Variants in RYR3 observed in about 807,000 individuals in gnomAD.
The protein encoded by RYR3 is ryanodine receptor 3.
RYR3 carries 207 observed loss-of-function variants against 584.3 expected under a neutral mutation model. The observed-to-expected ratio is 0.35, with a 90% CI of 0.32 to 0.40. The LOEUF is 0.40. RYR3 is among the 10% of genes least tolerant of loss of function. The pLI is 1.00. For missense variants in RYR3, 5,616 were observed against 6,089.2 expected (o/e 0.92, Z 2.59); for synonymous variants, 2,416 against 2,248.5 (o/e 1.07, Z -2.11).
In RYR3 at chr15:33,701,590, G is replaced by A. The variant is rs530071932; in HGVS notation, c.6483+510G>A. On this transcript the variant is annotated intron_variant, in intron 42 of 103. Transcript: ENST00000634891. ...CTTTCTTTAAATGATGTCCTTGACC[G>A]GAGGGCTGACAGGATTCACAGTGTG... Among the ~76,000 whole-genome samples the A allele has an allele frequency of 4.5e-4, 68 of 152,132 alleles. 1 individual carries two copies. Among genetic ancestry groups the A allele is most frequent in the Admixed American group, 3.6e-3 (55 of 15,288 alleles).
chr15:33,555,214 C>T (rs1025349158), intron 10 of RYR3, among the ~76,000 whole-genome samples: 1 of 152,176 alleles, frequency 6.6e-6, no homozygotes, highest in South Asian at 2.1e-4. Context: ...AGCCACAGCA[C>T]CCCTAACCAA....
rs761874049 is a variant in RYR3 at position 33,825,677 on chromosome 15, G to A, written c.11146+1G>A. Reference sequence around the variant, plus strand: ...GGGATGGTGACTGAAGAAGGAACACGTAAGTAACTAATGAATGTGAAGGCC... The same window carrying A: ...GGGATGGTGACTGAAGAAGGAACACATAAGTAACTAATGAATGTGAAGGCC... On this transcript the variant is annotated splice_donor_variant, in intron 82 of 103. Coordinates refer to ENST00000634891, the MANE Select transcript of RYR3 (RefSeq NM_001036.6). LOFTEE classifies it high-confidence loss of function. 3 of 1,521,858 alleles carry A rather than the reference G, an allele frequency of 2.0e-6. No individual in the cohort carries two copies. The highest frequency in any genetic ancestry group is 1.7e-5 in the Admixed American group (1 of 58,774). The allele number at this position is 1,521,858 out of a possible 1,614,324, so 94.3% of individuals were successfully genotyped here.
intron 52 of RYR3, among the ~76,000 whole-genome samples, chr15:33,742,788 TC>T (rs1482666934): frequency 1.4e-5 from 2 of 147,328 alleles, no homozygotes; most frequent in African/African-American, 5.0e-5. Flanking sequence ...TTAATTTTTG[TC>T]TTTGAATGCA....
Position 33,838,555 on chromosome 15 carries a change from T to C in RYR3, c.12575T>C (p.Phe4192Ser). The stretch of plus-strand genomic sequence containing the variant: ...CTCTTCTCCTTTTTCTGGATGCTGT[T>C]CGTGGGGCTATTCCAGTTGCTCTTC... ...KVLFSFFWML[F>S]VGLFQLLFTI... Residue 4192 changes from phenylalanine to serine, a missense_variant, in exon 89 of 104, where the codon TTC becomes TCC. By Grantham distance (155) the Phe-to-Ser change is radical (BLOSUM62 -2). Coordinates refer to ENST00000634891, the MANE Select transcript of RYR3 (RefSeq NM_001036.6). 1 of 1,613,902 alleles carries C rather than the reference T, an allele frequency of 6.2e-7. No individual in the cohort carries two copies. The highest frequency in any genetic ancestry group is 8.5e-7 in the Non-Finnish European group (1 of 1,179,860).
At chr15:33,741,894 G>A (rs113216252) in intron 51 of RYR3, among the ~76,000 whole-genome samples, 27,656 of 152,018 alleles carry the variant, frequency 0.18, 2,741 homozygotes, top group African/African-American at 0.26. Context: ...GATTACAGGC[G>A]TGAGCCACAG....
Position 33,649,129 on chromosome 15 carries a change from G to A in RYR3, c.4036G>A (p.Gly1346Arg), listed in dbSNP as rs1309424472. Residue 1346 changes from glycine (G) to arginine (R), a missense_variant, in exon 31 of 104, where the codon GGA (glycine) becomes AGA (arginine). Physicochemically the swap from Gly to Arg is moderately radical, Grantham distance 125. This residue lies in a region of RYR3 where 753 missense variants were observed against 741.0 expected (regional missense o/e 1.02). Coordinates refer to ENST00000634891, the MANE Select transcript of RYR3 (RefSeq NM_001036.6). The stretch of plus-strand genomic sequence containing the variant: ...ACAGGATCCATCCTGTGTCTGGGTC[G>A]GATGGGTGACTCCAGACTATCACTT... ...AGQDPSCVWV[G>R]WVTPDYHLYS... The A allele has an allele frequency of 1.2e-6, 2 of 1,613,648 alleles. No homozygotes were observed. Among genetic ancestry groups the A allele is most frequent in the Non-Finnish European group, 8.5e-7 (1 of 1,179,848 alleles).
intron 1 of RYR3, among the ~76,000 whole-genome samples, chr15:33,352,093 A>G (rs1373859272): frequency 2.6e-5 from 4 of 152,192 alleles, no homozygotes; most frequent in South Asian, 2.1e-4. Context: ...CAAAAATCAC[A>G]AGCATTCTTG....
At chr15:33,757,201 G>C (rs1050321100) in intron 59 of RYR3, among the ~76,000 whole-genome samples, 1 of 152,166 alleles carries the variant, frequency 6.6e-6, no homozygotes, top group Admixed American at 6.5e-5. Flanking sequence ...CTATCTGAGT[G>C]CAGCTGTCTC....
At chr15:33,807,599 C>A in intron 70 of RYR3, 30 bp downstream of exon 70, 1 of 1,549,548 alleles carries the variant, frequency 6.5e-7, no homozygotes, top group Non-Finnish European at 8.7e-7. Context: ...CGTGTCTTTT[C>A]TGTCCTAGTA....
intron 38 of RYR3, among the ~76,000 whole-genome samples, chr15:33,688,053 A>C (rs1289180831): frequency 6.6e-6 from 1 of 152,218 alleles, no homozygotes; most frequent in Non-Finnish European, 1.5e-5. Flanking sequence ...AAAAGCCAAA[A>C]TAGACAAATG....
intron 2 of RYR3, among the ~76,000 whole-genome samples, chr15:33,500,779 G>C (rs928887291): frequency 6.6e-6 from 1 of 152,178 alleles, no homozygotes; most frequent in Non-Finnish European, 1.5e-5. Context: ...TTTAATGGAC[G>C]AGTGGCCTTT....
chr15:33,563,033 A>G (rs1278218550), intron 11 of RYR3, 23 bp downstream of exon 11: 5 of 1,588,276 alleles, frequency 3.1e-6, no homozygotes, highest in Non-Finnish European at 4.3e-6. Context: ...ATATCTGTCT[A>G]CAATTGTTTT....
chr15:33,331,728 C>T (rs1221028617), intron 1 of RYR3, among the ~76,000 whole-genome samples: 1 of 151,442 alleles, frequency 6.6e-6, no homozygotes, highest in Non-Finnish European at 1.5e-5. Flanking sequence ...TAAAAATGGT[C>T]ATAAAAAGAG....
At chr15:33,647,676 C>T (rs1486221416) in intron 30 of RYR3, among the ~76,000 whole-genome samples, 2 of 152,168 alleles carry the variant, frequency 1.3e-5, no homozygotes, top group Admixed American at 1.3e-4. Flanking sequence ...CTACCTGGAG[C>T]TCCTAACTGG....
At chr15:33,528,074 AT>A (rs909968181) in intron 3 of RYR3, among the ~76,000 whole-genome samples, 4 of 151,178 alleles carry the variant, frequency 2.6e-5, no homozygotes, top group East Asian at 3.9e-4. Flanking sequence ...GAATGAGACT[AT>A]TTTTTTTTCT....
At chr15:33,330,852 G>C (rs1970297045) in intron 1 of RYR3, among the ~76,000 whole-genome samples, 1 of 152,092 alleles carries the variant, frequency 6.6e-6, no homozygotes, top group Non-Finnish European at 1.5e-5. Flanking sequence ...TGAAATGTTA[G>C]TTTTCACAGG....
rs995359734 is a variant in RYR3 at position 33,572,686 on chromosome 15, C to T, written c.1268+5887C>T. 1.3e-4 allele frequency among the ~76,000 whole-genome samples: 15 copies of T among 112,184 alleles called. No individual in the cohort carries two copies. In the South Asian group the frequency reaches 4.1e-3, roughly 31 times the overall value. 73.6% of individuals were successfully genotyped at this position (112,184 alleles called of 152,430 possible). ...ACACACACACACACACACACACACA[C>T]ACACTGGGCTGGGCACAATGGCTCA... On this transcript the variant is annotated intron_variant, in intron 12 of 103. Coordinates refer to ENST00000634891, the MANE Select transcript of RYR3 (RefSeq NM_001036.6).
At chr15:33,409,837 C>T (rs571665381) in intron 1 of RYR3, among the ~76,000 whole-genome samples, 14 of 152,236 alleles carry the variant, frequency 9.2e-5, no homozygotes, top group Admixed American at 8.5e-4. Context: ...TAAAAAGGCA[C>T]AAGGTTGTCT....
At position 33,339,655 on chromosome 15, in the gene RYR3, C is replaced by T. The variant is rs186249590; in HGVS notation, c.51+28559C>T. On this transcript the variant is annotated intron_variant, in intron 1 of 103. Transcript: ENST00000634891. Reference sequence around the variant, plus strand: ...CTGTAATCCCAGCACTTTGGGAGGCCGAGGCGGGCGGATCACGAGGTCAGG... The same window carrying T: ...CTGTAATCCCAGCACTTTGGGAGGCTGAGGCGGGCGGATCACGAGGTCAGG... 5.5e-3 allele frequency among the ~76,000 whole-genome samples: 830 copies of T among 152,158 alleles called. 12 individuals are homozygous for T. Among genetic ancestry groups the T allele is most frequent in the Admixed American group, 6.5e-3 (99 of 15,288 alleles).
Sources: allele counts gnomAD v4.1 joint callset (sites outside exome capture counted in the v4.1 genomes callset), GRCh38; gene constraint gnomAD v4.1.1; regional missense constraint gnomAD v4.1.1; transcripts MANE v1.5; gene names NCBI Gene and HGNC (gene_info 2026-07-23, HGNC 2026-07-21).